Variants in IRAK1BP1 observed in about 807,000 individuals in gnomAD.
IRAK1BP1 encodes the protein interleukin-1 receptor-associated kinase 1-binding protein 1.
Under a neutral mutation model 28.0 loss-of-function variants are expected in IRAK1BP1, and 24 were observed. The ratio of observed to expected loss-of-function variants is 0.86; its 90% CI spans 0.62 to 1.20. The LOEUF is 1.20. Ranked by LOEUF, IRAK1BP1 falls within the 50% of genes most tolerant of loss-of-function variation. IRAK1BP1 has a pLI of 0.00. For synonymous variants in IRAK1BP1, 131 were observed against 116.3 expected, an observed-to-expected ratio of 1.13 and a Z score of -0.81; for missense variants, 336 against 316.7, an observed-to-expected ratio of 1.06 and a Z score of -0.46.
chr6:78,917,047 A>G (rs1412092325), intron 4 of IRAK1BP1, among the ~76,000 whole-genome samples: 1 of 152,158 alleles, frequency 6.6e-6, no homozygotes, highest in Non-Finnish European at 1.5e-5. Context: ...AAAGGATCAC[A>G]CCAGCTCTCC....
At chr6:78,889,324 A>G (rs1008089517) in intron 2 of IRAK1BP1, among the ~76,000 whole-genome samples, 21 of 152,054 alleles carry the variant, frequency 1.4e-4, no homozygotes, top group African/African-American at 4.3e-4. Context: ...TAAAAACCCT[A>G]GAAGAAAACC....
At chr6:78,892,033 A>G (rs1465859727) in intron 2 of IRAK1BP1, among the ~76,000 whole-genome samples, 2 of 152,232 alleles carry the variant, frequency 1.3e-5, no homozygotes, top group Non-Finnish European at 2.9e-5. Context: ...ATCTTTGAAC[A>G]TTAAGCCAAA....
intron 4 of IRAK1BP1, among the ~76,000 whole-genome samples, chr6:78,933,226 T>C (rs1039228687): frequency 5.9e-5 from 9 of 152,238 alleles, no homozygotes; most frequent in African/African-American, 2.2e-4. Flanking sequence ...AAAATTTGTA[T>C]AGATTTTCAT....
intron 4 of IRAK1BP1, among the ~76,000 whole-genome samples, chr6:78,923,563 C>T (rs970266752): frequency 6.6e-6 from 1 of 152,148 alleles, no homozygotes; most frequent in Non-Finnish European, 1.5e-5. Flanking sequence ...CTGCACCAAG[C>T]AGACCTAATA....
chr6:78,881,107 T>C (rs1771213015), intron 1 of IRAK1BP1, among the ~76,000 whole-genome samples: 1 of 152,188 alleles, frequency 6.6e-6, no homozygotes, highest in Admixed American at 6.5e-5. Context: ...CTTCTAAAAC[T>C]GGAAGCAGCC....
At chr6:78,950,262 T>A (rs1259951681), downstream of IRAK1BP1, among the ~76,000 whole-genome samples, 2 of 152,244 alleles carry the variant, frequency 1.3e-5, no homozygotes, top group African/African-American at 4.8e-5. Flanking sequence ...AATCATTTTT[T>A]AATATATTCC....
At chr6:78,941,032 C>A in intron 4 of IRAK1BP1, 2 of 1,613,946 alleles carry the variant, frequency 1.2e-6, no homozygotes, top group Non-Finnish European at 1.7e-6. Context: ...CTCCACGATT[C>A]TTTTTCTGTA....
At chr6:78,931,728 T>A (rs1440292672) in intron 4 of IRAK1BP1, among the ~76,000 whole-genome samples, 1 of 152,198 alleles carries the variant, frequency 6.6e-6, no homozygotes, top group Admixed American at 6.5e-5. Context: ...CATCTGAGCT[T>A]TCAGAAAGTC....
intron 1 of IRAK1BP1, among the ~76,000 whole-genome samples, chr6:78,877,156 C>G (rs1002915200): frequency 1.3e-5 from 2 of 152,090 alleles, no homozygotes; most frequent in African/African-American, 2.4e-5. Context: ...ATAGGAAACC[C>G]AGAGGATTAC....
At chr6:78,968,237 TTCA>T in the IRAK1BP1 span, among the ~76,000 whole-genome samples, 1 of 152,002 alleles carries the variant, frequency 6.6e-6, no homozygotes, top group Non-Finnish European at 1.5e-5. Context: ...GAAAAATGTT[TTCA>T]TCTATTTTAC....
At chr6:78,922,471 A>G (rs1772763005) in intron 4 of IRAK1BP1, among the ~76,000 whole-genome samples, 1 of 152,224 alleles carries the variant, frequency 6.6e-6, no homozygotes, top group South Asian at 2.1e-4. Flanking sequence ...AGTCACGGGG[A>G]GAATGGAACC....
downstream of IRAK1BP1, chr6:78,947,830 C>T: frequency 1.6e-6 from 2 of 1,271,812 alleles, no homozygotes; most frequent in Non-Finnish European, 2.3e-6. Flanking sequence ...AGCATCACTT[C>T]TCAGTGCAGG....
At chr6:78,889,596 A>G (rs1771559795) in intron 2 of IRAK1BP1, among the ~76,000 whole-genome samples, 1 of 151,546 alleles carries the variant, frequency 6.6e-6, no homozygotes, top group Non-Finnish European at 1.5e-5. Flanking sequence ...AATCCCCATC[A>G]AAAAGTGGGT....
At chr6:78,973,404 T>C in the IRAK1BP1 span, among the ~76,000 whole-genome samples, 1 of 149,334 alleles carries the variant, frequency 6.7e-6, no homozygotes, top group African/African-American at 2.5e-5. Flanking sequence ...GAAAAACCGG[T>C]ACCAGCCGCT....
chr6:78,973,977 A>T, the IRAK1BP1 span, among the ~76,000 whole-genome samples: 3 of 152,140 alleles, frequency 2.0e-5, no homozygotes, highest in Admixed American at 2.0e-4. Flanking sequence ...CGAGACAGAA[A>T]GTTAACAAGG....
At chr6:78,957,383 A>G in the IRAK1BP1 span, 119 of 152,092 alleles carry the variant, frequency 7.8e-4, 1 homozygote, top group African/African-American at 2.7e-3. Flanking sequence ...AAGCATAGCA[A>G]TAATAGCCCC....
chr6:78,963,355 G>T, the IRAK1BP1 span: 1 of 829,222 alleles, frequency 1.2e-6, no homozygotes, highest in Non-Finnish European at 1.8e-6. Context: ...AGTATATTTT[G>T]TATAGATTTG....
the IRAK1BP1 span, among the ~76,000 whole-genome samples, chr6:78,952,514 C>T: frequency 6.7e-6 from 1 of 150,036 alleles, no homozygotes; most frequent in Non-Finnish European, 1.5e-5. Flanking sequence ...TCTGTCTATT[C>T]TCTTCCACTG....
chr6:78,906,462 G>A (rs1290480663), downstream of IRAK1BP1, among the ~76,000 whole-genome samples: 1 of 152,170 alleles, frequency 6.6e-6, no homozygotes, highest in East Asian at 1.9e-4. Context: ...TTGCCCATCA[G>A]TGATCAGAGC....
Sources: gnomAD v4.1 joint callset for allele counts (sites outside exome capture counted in the v4.1 genomes callset) on GRCh38, gnomAD v4.1.1 for gene constraint, MANE v1.5 for transcripts, NCBI Gene and HGNC (gene_info 2026-07-23, HGNC 2026-07-21) for gene names.